ST3GAL4: variants seen among roughly 807,000 people sequenced by gnomAD.
ST3GAL4 encodes CMP-N-acetylneuraminate-beta-galactosamide-alpha-2,3-sialyltransferase 4.
A neutral mutation model predicts 42.6 loss-of-function variants in ST3GAL4; 24 were observed. The observed-to-expected ratio is 0.56, with a 90% confidence interval of 0.41 to 0.79. The LOEUF is 0.79. ST3GAL4 is among the 30% of genes least tolerant of loss of function. The pLI is 0.00. For missense variants in ST3GAL4, 311 were observed against 430.8 expected (o/e 0.72, Z 2.46); for synonymous variants, 135 against 163.2 (o/e 0.83, Z 1.32).
chr11:126,375,538 A>G (rs1360808055), intron 1 of ST3GAL4, among the ~76,000 whole-genome samples: 1 of 152,152 alleles, frequency 6.6e-6, no homozygotes, highest in African/African-American at 2.4e-5. Context: ...CACGAGCTGT[A>G]CAACCTGGGC....
intron 1 of ST3GAL4, among the ~76,000 whole-genome samples, chr11:126,394,286 C>T (rs1037136408): frequency 1.3e-5 from 2 of 152,220 alleles, no homozygotes; most frequent in African/African-American, 4.8e-5. Flanking sequence ...GGCAGGTCCA[C>T]ACAGGCCCTG....
Position 126,392,478 on chromosome 11 carries a change from T to A in ST3GAL4, c.-60-13618T>A. 1 of 573,454 alleles carries A rather than the reference T, an allele frequency of 1.7e-6. No homozygotes were observed. Among genetic ancestry groups the A allele is most frequent in the Non-Finnish European group, 2.2e-6 (1 of 453,362 alleles). The allele number at this position is 573,454 out of a possible 1,614,324, so 35.5% of individuals were successfully genotyped here. A position where few individuals can be genotyped will look rare whatever the true frequency, so the allele number is the denominator to read the frequency against. ...TGCATTTGGCAGAAAGTGCGCTGGC[T>A]CTGCCAGCTCCCAGTGTGAGCTTCT... On this transcript the variant is annotated intron_variant, in intron 1 of 10. Coordinates refer to ENST00000444328, the MANE Select transcript of ST3GAL4 (RefSeq NM_001254757.2). This position sits in a 1 kb window ranked among gnomAD's most constrained non-coding sequence, Gnocchi z 5.8.
chr11:126,374,435 CA>C (rs1262947059), intron 1 of ST3GAL4, among the ~76,000 whole-genome samples: 1 of 72,846 alleles, frequency 1.4e-5, no homozygotes, highest in African/African-American at 5.5e-5. Flanking sequence ...GCCTGAATGA[CA>C]AAGCAAGACT....
At position 126,362,215 on chromosome 11, in the gene ST3GAL4, T is replaced by TTA. The variant is rs1555080379; in HGVS notation, c.-61+6373_-61+6374insTA. 1.2e-3 allele frequency among the ~76,000 whole-genome samples: 174 copies of TTA among 141,490 alleles called. 8 individuals are homozygous for TTA. The East Asian group carries it at 0.029, about 23-fold the overall frequency. 92.8% of individuals were successfully genotyped at this position (141,490 alleles called of 152,430 possible). Reference sequence around the variant, plus strand: ...TTCCTTTTTTTTTTTTTTTTTTTTTTAAGACGGAGTCTCACTCTGTTGCCC... The same window carrying TTA: ...TTCCTTTTTTTTTTTTTTTTTTTTTTTAAAGACGGAGTCTCACTCTGTTGCCC... On this transcript the variant is annotated intron_variant, in intron 1 of 10. Coordinates refer to ENST00000444328, the MANE Select transcript of ST3GAL4 (RefSeq NM_001254757.2).
Position 126,411,149 on chromosome 11 carries a change from G to A in ST3GAL4, c.771+1738G>A, listed in dbSNP as rs1382497936. Among the ~76,000 whole-genome samples the A allele has an allele frequency of 8.4e-6, 1 of 119,432 alleles. No individual in the cohort carries two copies. The highest frequency in any genetic ancestry group is 1.8e-5 in the Non-Finnish European group (1 of 56,946). The allele number at this position is 119,432 out of a possible 152,430, so 78.4% of individuals were successfully genotyped here. The stretch of plus-strand genomic sequence containing the variant: ...AGGAGATGGACTCAACATTGTGTTG[G>A]TTGTTTTTTTTTTTGAGATGGAGTC... On this transcript the variant is annotated intron_variant, in intron 9 of 10. Transcript: ENST00000444328. The surrounding 1 kb of genome is among the most constrained non-coding windows in gnomAD (Gnocchi z 6.3).
intron 1 of ST3GAL4, among the ~76,000 whole-genome samples, chr11:126,370,464 G>A (rs1386037969): frequency 6.6e-6 from 1 of 152,070 alleles, no homozygotes; most frequent in African/African-American, 2.4e-5. Context: ...CATTGTTTGG[G>A]GAGTGGGGGG....
chr11:126,368,292 G>C (rs1245263750), intron 1 of ST3GAL4, among the ~76,000 whole-genome samples: 2 of 152,066 alleles, frequency 1.3e-5, no homozygotes, highest in African/African-American at 4.8e-5. Flanking sequence ...GACATCAGGA[G>C]TCAGTGACCA....
At position 126,357,089 on chromosome 11, in the gene ST3GAL4, G is replaced by A. The variant is rs146639948; in HGVS notation, c.-61+1247G>A. Among the ~76,000 whole-genome samples, 552 of 152,350 alleles carry A rather than the reference G, an allele frequency of 3.6e-3. 1 individual carries two copies. The highest frequency in any genetic ancestry group is 0.014 in the Middle Eastern group (4 of 294). On this transcript the variant is annotated intron_variant, in intron 1 of 10. Transcript: ENST00000444328. ...AAGCTGCCCGATAATTCTAGAGTGG[G>A]TTCCGGGGACGTGCCCGCTGTTTGG...
In ST3GAL4 at chr11:126,397,122, G is replaced by C. The variant is rs546201533; in HGVS notation, c.-60-8974G>C. ...GAGATCCTGGTTTCGCGTTTTGAGC[G>C]TGCAGTACATTTCAGTTGTTAGTGG... On this transcript the variant is annotated intron_variant, in intron 1 of 10. Transcript: ENST00000444328. The surrounding 1 kb of genome is among the most constrained non-coding windows in gnomAD (Gnocchi z 5.0). Among the ~76,000 whole-genome samples, 3 of 152,064 alleles carry C rather than the reference G, an allele frequency of 2.0e-5. No homozygotes were observed. The highest frequency in any genetic ancestry group is 7.3e-5 in the African/African-American group (3 of 41,342).
intron 1 of ST3GAL4, among the ~76,000 whole-genome samples, chr11:126,372,968 A>G (rs536282401): frequency 3.9e-5 from 6 of 152,258 alleles, no homozygotes; most frequent in Non-Finnish European, 7.4e-5. Context: ...GTGGGATCCT[A>G]TCTTGTCTCT....
chr11:126,391,215 G>T lies in ST3GAL4; in HGVS notation c.-60-14881G>T, dbSNP rs1161134748. ...TTTTGGGGATATACCCAGAAGTGCA[G>T]TTGCTTGATCCTATCCTGTCCCTTG... is the stretch of plus-strand genomic sequence containing the variant. On this transcript the variant is annotated intron_variant, in intron 1 of 10. Coordinates refer to ENST00000444328, the MANE Select transcript of ST3GAL4 (RefSeq NM_001254757.2). This position sits in a 1 kb window ranked among gnomAD's most constrained non-coding sequence, Gnocchi z 5.5. 6.6e-6 allele frequency among the ~76,000 whole-genome samples: 1 copy of T among 151,414 alleles called. No homozygotes were observed. Among genetic ancestry groups the T allele is most frequent in the Non-Finnish European group, 1.5e-5 (1 of 67,928 alleles).
rs941543310 is a variant in ST3GAL4, at chr11:126,400,007, C to A, written c.-60-6089C>A. Among the ~76,000 whole-genome samples, 1 of 152,180 alleles carries A rather than the reference C, an allele frequency of 6.6e-6. No homozygotes were observed. Among genetic ancestry groups the A allele is most frequent in the African/African-American group, 2.4e-5 (1 of 41,452 alleles). Reference sequence around the variant, plus strand: ...GCCTGCCTGCCTCCCTCCCTCCCTTCCTTCTTTCCTCTCTGCTCTCTCTCT... The same window carrying A: ...GCCTGCCTGCCTCCCTCCCTCCCTTACTTCTTTCCTCTCTGCTCTCTCTCT... On this transcript the variant is annotated intron_variant, in intron 1 of 10. Transcript: ENST00000444328. This position sits in a 1 kb window ranked among gnomAD's most constrained non-coding sequence, Gnocchi z 4.6.
intron 1 of ST3GAL4, among the ~76,000 whole-genome samples, chr11:126,385,829 T>C (rs1404852125): frequency 2.0e-5 from 3 of 151,542 alleles, no homozygotes; most frequent in African/African-American, 4.9e-5. Flanking sequence ...CTAGACAACA[T>C]AGTAAGACCT....
At chr11:126,390,888 G>C (rs941224392) in intron 1 of ST3GAL4, among the ~76,000 whole-genome samples, 1 of 152,004 alleles carries the variant, frequency 6.6e-6, no homozygotes, top group African/African-American at 2.4e-5. Flanking sequence ...TCTGCTTTCT[G>C]TGTCTGTGAG....
rs1952823886 is a variant in ST3GAL4 at position 126,376,022 on chromosome 11, G to A, written c.-61+20180G>A. Among the ~76,000 whole-genome samples the A allele has an allele frequency of 2.0e-5, 3 of 152,132 alleles. No individual in the cohort carries two copies. Among genetic ancestry groups the A allele is most frequent in the Admixed American group, 6.6e-5 (1 of 15,258 alleles). On this transcript the variant is annotated intron_variant, in intron 1 of 10. Transcript: ENST00000444328. This position sits in a 1 kb window ranked among gnomAD's most constrained non-coding sequence, Gnocchi z 5.1. Reference sequence around the variant, plus strand: ...TTTGTCAAATGTGTATAAAACATCTGCCACATTCTTGGCAGTTTAATAGAA... The same window carrying A: ...TTTGTCAAATGTGTATAAAACATCTACCACATTCTTGGCAGTTTAATAGAA...
At chr11:126,394,646 A>T (rs1020574360) in intron 1 of ST3GAL4, among the ~76,000 whole-genome samples, 1 of 151,954 alleles carries the variant, frequency 6.6e-6, no homozygotes, top group Non-Finnish European at 1.5e-5. Context: ...GCTGTTCTTG[A>T]ACTCCTGAGC....
Position 126,406,664 on chromosome 11 carries a change from C to A in ST3GAL4, c.101+107C>A. ...AGTAGGGCAGGAAGGTTCCAAGAGCCGGCACATGACCTCATCCCTTCAGCT... is the reference window on the plus strand; with the variant it reads ...AGTAGGGCAGGAAGGTTCCAAGAGCAGGCACATGACCTCATCCCTTCAGCT... On this transcript the variant is annotated intron_variant, in intron 3 of 10. Transcript: ENST00000444328. This position sits in a 1 kb window ranked among gnomAD's most constrained non-coding sequence, Gnocchi z 5.4. 7.4e-7 allele frequency: 1 copy of A among 1,343,554 alleles called. No homozygotes were observed. The allele number at this position is 1,343,554 out of a possible 1,614,324, so 83.2% of individuals were successfully genotyped here. A position where few individuals can be genotyped will look rare whatever the true frequency, so the allele number is the denominator to read the frequency against.
In ST3GAL4 at chr11:126,410,742, C is replaced by T. The variant is rs775657589; in HGVS notation, c.771+1331C>T. Among the ~76,000 whole-genome samples, 15 of 152,184 alleles carry T rather than the reference C, an allele frequency of 9.9e-5. No homozygotes were observed. The highest frequency in any genetic ancestry group is 2.6e-4 in the Admixed American group (4 of 15,282). On this transcript the variant is annotated intron_variant, in intron 9 of 10. Transcript: ENST00000444328. The surrounding 1 kb of genome is among the most constrained non-coding windows in gnomAD (Gnocchi z 5.3). ...CTTGGCGAGGAAGTTGTGCTCCTTG[C>T]TCTAAGGGACCTCAGTCTAGCAGAG...
At chr11:126,364,105 C>T (rs3967201) in intron 1 of ST3GAL4, among the ~76,000 whole-genome samples, 5 of 152,222 alleles carry the variant, frequency 3.3e-5, no homozygotes, top group African/African-American at 7.2e-5. Flanking sequence ...GCTCCCTGCC[C>T]GGAGTCCCAA....
Sources: allele counts gnomAD v4.1 joint callset (sites outside exome capture counted in the v4.1 genomes callset), GRCh38; gene constraint gnomAD v4.1.1; non-coding constraint Gnocchi (gnomAD v3.1); transcripts MANE v1.5; gene names NCBI Gene and HGNC (gene_info 2026-07-23, HGNC 2026-07-21).